SLC4A7: variants seen among roughly 807,000 people sequenced by gnomAD.
SLC4A7 encodes the protein solute carrier family 4 member 7, also known as sodium bicarbonate cotransporter 3.
A neutral mutation model predicts 137.6 loss-of-function variants in SLC4A7; 51 were observed. The ratio of observed to expected loss-of-function variants is 0.37; its 90% CI spans 0.30 to 0.47. The LOEUF (loss-of-function observed/expected upper bound fraction) is 0.47. Among genes scored for constraint, SLC4A7 ranks in the 20% least tolerant of loss-of-function variants. The pLI, the probability that SLC4A7 is intolerant of heterozygous loss-of-function variation, is 1.00. For missense variants in SLC4A7, 1,247 were observed against 1,525.4 expected (o/e 0.82, Z 3.04); for synonymous variants, 542 against 518.6 (o/e 1.05, Z -0.61).
intron 1 of SLC4A7, among the ~76,000 whole-genome samples, chr3:27,464,995 G>A (rs1211802407): frequency 6.6e-6 from 1 of 151,796 alleles, no homozygotes; most frequent in Non-Finnish European, 1.5e-5. Context: ...AAGTATCTGC[G>A]TGCCTAATCT....
chr3:27,484,024 G>C, intron 1 of SLC4A7, 43 bp downstream of exon 1: 2 of 1,344,766 alleles, frequency 1.5e-6, no homozygotes, highest in Admixed American at 3.2e-5. Flanking sequence ...CTCGCCCCGC[G>C]CCCTCCCCCT....
chr3:27,379,644 C>G (rs2050218694), intron 24 of SLC4A7, among the ~76,000 whole-genome samples: 1 of 152,098 alleles, frequency 6.6e-6, no homozygotes, highest in Admixed American at 6.6e-5. Flanking sequence ...ATGATGCCCT[C>G]TGATCACCTT....
chr3:27,475,636 T>C (rs1165377665), intron 1 of SLC4A7, among the ~76,000 whole-genome samples: 2 of 152,156 alleles, frequency 1.3e-5, no homozygotes, highest in East Asian at 1.9e-4. Flanking sequence ...ACTGAATGAA[T>C]CCCTTATTCC....
chr3:27,455,126 G>A (rs546359044), intron 1 of SLC4A7, among the ~76,000 whole-genome samples: 2 of 151,964 alleles, frequency 1.3e-5, no homozygotes, highest in South Asian at 4.2e-4. Context: ...CATTTTCACT[G>A]AGGCATTGTT....
intron 6 of SLC4A7, among the ~76,000 whole-genome samples, chr3:27,432,944 G>A (rs567357100): frequency 7.9e-5 from 12 of 152,060 alleles, no homozygotes; most frequent in Middle Eastern, 3.2e-3. Flanking sequence ...GTCCATAAGA[G>A]GTATTCTTTT....
In SLC4A7 at chr3:27,434,083, A is replaced by T; in HGVS notation, c.611T>A (p.Ile204Lys). 1 of 1,612,520 alleles carries T rather than the reference A, an allele frequency of 6.2e-7. No individual in the cohort carries two copies. The highest frequency in any genetic ancestry group is 8.5e-7 in the Non-Finnish European group (1 of 1,179,288). Residue 204 changes from isoleucine (I) to lysine (K), a missense_variant, in exon 6 of 26, where the codon ATA becomes AAA. Coordinates refer to ENST00000454389, the MANE Select transcript of SLC4A7 (RefSeq NM_001321103.2). The stretch of plus-strand genomic sequence containing the variant: ...GGACTCGTCTAATTGGCCAGAAGCT[A>T]TCATGTTGTCTAATACCATATCTAT... ...EIADMVLDNM[I>K]ASGQLDESIR... is the part of the protein sequence containing the mutation.
At chr3:27,392,929 T>C (rs1233202570) in intron 20 of SLC4A7, among the ~76,000 whole-genome samples, 1 of 152,022 alleles carries the variant, frequency 6.6e-6, no homozygotes, top group Non-Finnish European at 1.5e-5. Context: ...TTTGTAGTAA[T>C]AATTTTCATA....
chr3:27,440,457 G>C (rs999937167), intron 3 of SLC4A7, among the ~76,000 whole-genome samples: 1 of 152,132 alleles, frequency 6.6e-6, no homozygotes, highest in Non-Finnish European at 1.5e-5. Context: ...GCCAGGTGTG[G>C]TGACTCACAG....
At position 27,373,634 on chromosome 3, in the gene SLC4A7, CA is replaced by C. The variant is rs2049710682; in HGVS notation, c.*3129del. The C allele has an allele frequency of 6.6e-6, 1 of 152,126 alleles. No individual in the cohort carries two copies. Among genetic ancestry groups the C allele is most frequent in the South Asian group, 2.1e-4 (1 of 4,836 alleles). The allele number at this position is 152,126 out of a possible 1,614,324, so 9.4% of individuals were successfully genotyped here. ...GATGTACATCATATAATCCTTTAAA[CA>C]GCAAGCTCTGGTGTTATACCTCAGT... is the stretch of plus-strand genomic sequence containing the variant. On this transcript the variant is annotated 3_prime_UTR_variant, in exon 26 of 26. Coordinates refer to ENST00000454389, the MANE Select transcript of SLC4A7 (RefSeq NM_001321103.2).
intron 6 of SLC4A7, among the ~76,000 whole-genome samples, chr3:27,433,364 G>A (rs943430033): frequency 2.0e-5 from 3 of 152,180 alleles, no homozygotes; most frequent in Non-Finnish European, 4.4e-5. Flanking sequence ...ACCTCCAAGT[G>A]TCCAGCATTA....
At position 27,463,293 on chromosome 3, in the gene SLC4A7, T is replaced by C. The variant is rs555869262; in HGVS notation, c.61-10795A>G. The stretch of plus-strand genomic sequence containing the variant: ...ATACAAAAAATAAATTAGCCAGGCG[T>C]GGTGGCGGGCGCCTATAGTCCAGCT... On this transcript the variant is annotated intron_variant, in intron 1 of 25. Transcript: ENST00000454389. Among the ~76,000 whole-genome samples, 5 of 152,208 alleles carry C rather than the reference T, an allele frequency of 3.3e-5. No homozygotes were observed. In the South Asian group the frequency reaches 1.0e-3, roughly 32 times the overall value.
Position 27,376,929 on chromosome 3 carries a change from C to G in SLC4A7, c.3699-84G>C, listed in dbSNP as rs913604576. On this transcript the variant is annotated intron_variant, in intron 25 of 25. Transcript: ENST00000454389. ...CATGGCTAACAATGAGTATACTAAACCTTCTGAGATTACTATTAACACTAC... is the reference window on the plus strand; with the variant it reads ...CATGGCTAACAATGAGTATACTAAAGCTTCTGAGATTACTATTAACACTAC... The G allele has an allele frequency of 2.8e-5, 16 of 563,874 alleles. No individual in the cohort carries two copies. In the African/African-American group the frequency reaches 3.1e-4, roughly 11 times the overall value. The allele number at this position is 563,874 out of a possible 1,614,324, so 34.9% of individuals were successfully genotyped here.
In SLC4A7 at chr3:27,399,756, T is replaced by C. The variant is rs546756870; in HGVS notation, c.2427+1008A>G. On this transcript the variant is annotated intron_variant, in intron 16 of 25. Transcript: ENST00000454389. The stretch of plus-strand genomic sequence containing the variant: ...ACTGCTTTAAATCAGCACTGCCCAA[T>C]AGATATATTAGATGATGCAGATAAT... Among the ~76,000 whole-genome samples the C allele has an allele frequency of 9.1e-4, 139 of 152,226 alleles. 1 individual carries two copies. The highest frequency in any genetic ancestry group is 1.7e-3 in the Non-Finnish European group (113 of 68,006).
At position 27,374,625 on chromosome 3, in the gene SLC4A7, A is replaced by G. The variant is rs936217900; in HGVS notation, c.*2139T>C. ...CCAGTAACATTTAGAAGCATTGTAA[A>G]AACATTTTGAGTGCAAAGTATTTTG... On this transcript the variant is annotated 3_prime_UTR_variant, in exon 26 of 26. Coordinates refer to ENST00000454389, the MANE Select transcript of SLC4A7 (RefSeq NM_001321103.2). 2.6e-5 allele frequency: 4 copies of G among 152,506 alleles called. No individual in the cohort carries two copies. The highest frequency in any genetic ancestry group is 9.6e-5 in the African/African-American group (4 of 41,456). 9.4% of individuals were successfully genotyped at this position (152,506 alleles called of 1,614,324 possible).
chr3:27,415,874 T>C (rs2054332152), intron 11 of SLC4A7, among the ~76,000 whole-genome samples: 1 of 152,268 alleles, frequency 6.6e-6, no homozygotes, highest in Admixed American at 6.5e-5. Flanking sequence ...AAAGTGTTCA[T>C]GCCTGCTGGC....
intron 1 of SLC4A7, among the ~76,000 whole-genome samples, chr3:27,465,981 A>C (rs1396251483): frequency 6.6e-6 from 1 of 150,862 alleles, no homozygotes; most frequent in African/African-American, 2.4e-5. Context: ...GAAAGAAAGA[A>C]AGAAAACTGT....
chr3:27,456,676 C>G lies in SLC4A7; in HGVS notation c.61-4178G>C. 1.2e-6 allele frequency: 2 copies of G among 1,610,040 alleles called. No homozygotes were observed. The highest frequency in any genetic ancestry group is 2.2e-5 in the East Asian group (1 of 44,784). ...AGGTAACTTCTTCTCCAGACGAAAT[C>G]TTTCCATAGTAATATAGAAATGCCT... is the stretch of plus-strand genomic sequence containing the variant. On this transcript the variant is annotated intron_variant, in intron 1 of 25. Coordinates refer to ENST00000454389, the MANE Select transcript of SLC4A7 (RefSeq NM_001321103.2).
rs1423615643 is a variant in SLC4A7, at chr3:27,433,952, T to C, written c.742A>G (p.Lys248Glu). The C allele has an allele frequency of 1.2e-6, 2 of 1,613,884 alleles. No homozygotes were observed. The highest frequency in any genetic ancestry group is 3.3e-5 in the Admixed American group (2 of 60,012). Residue 248 changes from lysine to glutamate, a missense_variant, in exon 6 of 26, where the codon AAG (lysine) becomes GAG (glutamate). By Grantham distance (56) the Lys-to-Glu change is moderately conservative. Around this residue, in one of 6 missense-constraint regions of SLC4A7, gnomAD observed 223 missense variants for 203.6 expected, o/e 1.10. Transcript: ENST00000454389. The part of the protein sequence containing the change: ...PLVRSFADIG[K>E]KHSDPHLLER... Reference sequence around the variant, plus strand: ...AGCAAGTGAGGGTCAGAATGTTTCTTGCCTATATCTGCAAAAGATCGAACA... The same window carrying C: ...AGCAAGTGAGGGTCAGAATGTTTCTCGCCTATATCTGCAAAAGATCGAACA...
rs761275680 is a variant in SLC4A7 at position 27,374,497 on chromosome 3, T to C, written c.*2267A>G. The C allele has an allele frequency of 6.6e-6, 1 of 152,490 alleles. No homozygotes were observed. Among genetic ancestry groups the C allele is most frequent in the Non-Finnish European group, 1.5e-5 (1 of 67,928 alleles). 9.4% of individuals were successfully genotyped at this position (152,490 alleles called of 1,614,324 possible). Reference sequence around the variant, plus strand: ...TTCAAAAACAGTGGAAGAAATATAATCACTTAAAACAAGCAGTTAATTACC... The same window carrying C: ...TTCAAAAACAGTGGAAGAAATATAACCACTTAAAACAAGCAGTTAATTACC... On this transcript the variant is annotated 3_prime_UTR_variant, in exon 26 of 26. Coordinates refer to ENST00000454389, the MANE Select transcript of SLC4A7 (RefSeq NM_001321103.2).
Sources: gnomAD v4.1 joint callset for allele counts (sites outside exome capture counted in the v4.1 genomes callset) on GRCh38, gnomAD v4.1.1 for gene constraint, gnomAD v4.1.1 regional missense constraint, MANE v1.5 for transcripts, NCBI Gene and HGNC (gene_info 2026-07-23, HGNC 2026-07-21) for gene names.